ARHGAP44: variants seen among roughly 807,000 people sequenced by gnomAD.
The protein encoded by ARHGAP44 is Rho GTPase activating protein 44.
ARHGAP44 carries 43 observed loss-of-function variants against 106.8 expected under a neutral mutation model. The observed-to-expected ratio is 0.40, with a 90% CI of 0.32 to 0.52. ARHGAP44 has a LOEUF of 0.52. Ranked by LOEUF, ARHGAP44 falls within the 20% of genes least tolerant of loss-of-function variation. The probability of loss-of-function intolerance (pLI) is 0.48; values close to 1 mark genes in which losing one functional copy is unlikely to be tolerated. For synonymous variants in ARHGAP44, 439 were observed against 410.3 expected (o/e 1.07, Z -0.85); for missense variants, 866 against 1,050.5 (o/e 0.82, Z 2.43).
intron 6 of ARHGAP44, among the ~76,000 whole-genome samples, chr17:12,922,929 C>T (rs1466560481): frequency 6.6e-6 from 1 of 152,162 alleles, no homozygotes; most frequent in Non-Finnish European, 1.5e-5. Flanking sequence ...TCATTAGGGA[C>T]CTCTCCCCTG....
intron 1 of ARHGAP44, among the ~76,000 whole-genome samples, chr17:12,800,838 C>T (rs2034070428): frequency 6.6e-6 from 1 of 152,220 alleles, no homozygotes; most frequent in Non-Finnish European, 1.5e-5. Flanking sequence ...TCCTGCTTCT[C>T]TCCCCCTAAT....
At chr17:12,845,138 C>T (rs1242736592) in intron 1 of ARHGAP44, among the ~76,000 whole-genome samples, 1 of 152,144 alleles carries the variant, frequency 6.6e-6, no homozygotes, top group Non-Finnish European at 1.5e-5. Flanking sequence ...CTCTGAGTTA[C>T]TCTATCCTAT....
chr17:12,797,519 A>G (rs2033960774), intron 1 of ARHGAP44, among the ~76,000 whole-genome samples: 1 of 152,152 alleles, frequency 6.6e-6, no homozygotes, highest in South Asian at 2.1e-4. Flanking sequence ...CTACCCAGAT[A>G]AGCAGTGGTG....
intron 1 of ARHGAP44, among the ~76,000 whole-genome samples, chr17:12,854,812 G>A (rs2035858432): frequency 2.0e-5 from 3 of 152,016 alleles, no homozygotes; most frequent in Admixed American, 2.0e-4. Flanking sequence ...TACAAAATTA[G>A]CCAGGCGTGG....
At chr17:12,866,872 T>G (rs979911386) in intron 1 of ARHGAP44, among the ~76,000 whole-genome samples, 1 of 152,134 alleles carries the variant, frequency 6.6e-6, no homozygotes, top group African/African-American at 2.4e-5. Context: ...TCCGTAAAAC[T>G]TCCCCAAGAG....
At chr17:12,792,667 A>G (rs2150750226) in intron 1 of ARHGAP44, among the ~76,000 whole-genome samples, 2 of 152,280 alleles carry the variant, frequency 1.3e-5, no homozygotes, top group East Asian at 3.9e-4. Flanking sequence ...ATTTTTCTAA[A>G]GTTTTCCTCT....
At chr17:12,873,514 G>A (rs975890530) in intron 1 of ARHGAP44, among the ~76,000 whole-genome samples, 1 of 152,186 alleles carries the variant, frequency 6.6e-6, no homozygotes, top group Non-Finnish European at 1.5e-5. Context: ...TTTTTACTCT[G>A]AATAAAACTA....
intron 8 of ARHGAP44, 78 bp downstream of exon 8, chr17:12,941,202 T>A: frequency 7.5e-7 from 1 of 1,325,642 alleles, no homozygotes; most frequent in Non-Finnish European, 1.1e-6. Context: ...TAAGAGTCCC[T>A]TAATTGATCA....
rs533332942 is a variant in ARHGAP44, at chr17:12,944,222, G to A, written c.861+26G>A. On this transcript the variant is annotated intron_variant, in intron 10 of 20. Coordinates refer to ENST00000379672, the MANE Select transcript of ARHGAP44 (RefSeq NM_014859.6). ...GTAGGTCTGAGCACAGCCACACGCC[G>A]CCCCGGGCAGGTCTCCTCTTCCACG... 3.7e-5 allele frequency: 58 copies of A among 1,568,032 alleles called. No individual in the cohort carries two copies. The East Asian group carries it at 5.9e-4, about 16-fold the overall frequency.
At chr17:12,799,447 G>T (rs909556470) in intron 1 of ARHGAP44, among the ~76,000 whole-genome samples, 1 of 152,196 alleles carries the variant, frequency 6.6e-6, no homozygotes, top group Non-Finnish European at 1.5e-5. Flanking sequence ...GTGGTTTTCA[G>T]TCAGTGCTAA....
chr17:12,974,198 G>A lies in ARHGAP44; in HGVS notation c.1651G>A (p.Glu551Lys), dbSNP rs1469536616. 2.6e-6 allele frequency: 4 copies of A among 1,548,556 alleles called. No homozygotes were observed. Among genetic ancestry groups the A allele is most frequent in the African/African-American group, 1.4e-5 (1 of 73,102 alleles). The stretch of plus-strand genomic sequence containing the variant: ...CATGCAGCCTCCCGCCCCGCCCGCC[G>A]AGCTGGCTGCGCCCCTGCCTTCGCC... ...PSMQPPAPPA[E>K]LAAPLPSPLP... is the part of the protein sequence containing the mutation. Residue 551 changes from glutamate to lysine, a missense_variant, in exon 18 of 21, where the codon GAG becomes AAG. Transcript: ENST00000379672.
intron 1 of ARHGAP44, among the ~76,000 whole-genome samples, chr17:12,884,371 T>C (rs1478539080): frequency 6.6e-6 from 1 of 152,214 alleles, no homozygotes; most frequent in East Asian, 1.9e-4. Context: ...TTGGAAGATA[T>C]ATACTCTATT....
intron 3 of ARHGAP44, among the ~76,000 whole-genome samples, chr17:12,899,039 C>T (rs975367548): frequency 6.6e-6 from 1 of 152,008 alleles, no homozygotes; most frequent in Non-Finnish European, 1.5e-5. Flanking sequence ...GGCGCAATCT[C>T]GGCTCACTGC....
At chr17:12,904,152 G>A (rs1394401806) in intron 3 of ARHGAP44, among the ~76,000 whole-genome samples, 2 of 152,008 alleles carry the variant, frequency 1.3e-5, no homozygotes, top group Non-Finnish European at 2.9e-5. Flanking sequence ...TGTCACCCAG[G>A]CTGGAGTGCA....
chr17:12,887,615 T>C (rs146180817), intron 1 of ARHGAP44, among the ~76,000 whole-genome samples: 1 of 152,246 alleles, frequency 6.6e-6, no homozygotes, highest in Non-Finnish European at 1.5e-5. Context: ...ATTTTTTTGG[T>C]CATGTTTTGA....
In ARHGAP44 at chr17:12,946,974, A is replaced by G. The variant is rs536518087; in HGVS notation, c.862-2166A>G. On this transcript the variant is annotated intron_variant, in intron 10 of 20. Transcript: ENST00000379672. ...CAACAGACCTCGCTCTGTCACTTGC[A>G]TTTTTTCCCTGTTTTGTGTCAGCTC... Among the ~76,000 whole-genome samples, 24 of 152,048 alleles carry G rather than the reference A, an allele frequency of 1.6e-4. No homozygotes were observed. In the South Asian group the frequency reaches 4.8e-3, roughly 30 times the overall value.
chr17:12,925,127 G>T (rs968584150), intron 6 of ARHGAP44, among the ~76,000 whole-genome samples: 10 of 152,086 alleles, frequency 6.6e-5, no homozygotes, highest in Admixed American at 1.3e-4. Flanking sequence ...TTTCTTCAAG[G>T]TCACTGGATG....
At chr17:12,910,260 CTTT>C (rs71369352) in intron 4 of ARHGAP44, among the ~76,000 whole-genome samples, 6 of 132,876 alleles carry the variant, frequency 4.5e-5, no homozygotes, top group African/African-American at 1.1e-4. Context: ...GGGGAGGAAA[CTTT>C]TTTTTTTTTT....
chr17:12,972,093 A>G (rs544920614), intron 16 of ARHGAP44, among the ~76,000 whole-genome samples: 1 of 152,272 alleles, frequency 6.6e-6, no homozygotes, highest in Admixed American at 6.5e-5. Flanking sequence ...GTAGGTGACC[A>G]TTTGGCAGGG....
Sources: allele counts gnomAD v4.1 joint callset (sites outside exome capture counted in the v4.1 genomes callset), GRCh38; gene constraint gnomAD v4.1.1; transcripts MANE v1.5; gene names NCBI Gene and HGNC (gene_info 2026-07-23, HGNC 2026-07-21).